VWA5A: variants seen among roughly 807,000 people sequenced by gnomAD.
VWA5A encodes von Willebrand factor A domain containing 5A, also known as von Willebrand factor A domain-containing protein 5A.
VWA5A carries 77 observed loss-of-function variants against 84.6 expected under a neutral mutation model. That is an observed-to-expected ratio of 0.91 (90% confidence interval 0.76 to 1.10). VWA5A has a LOEUF of 1.10. VWA5A is among the 50% of genes least tolerant of loss of function. The pLI, the probability that VWA5A is intolerant of heterozygous loss-of-function variation, is 0.00. For synonymous variants in VWA5A, 334 were observed against 350.1 expected, an observed-to-expected ratio of 0.95 and a Z score of 0.51; for missense variants, 973 against 963.0, an observed-to-expected ratio of 1.01 and a Z score of -0.14.
At position 124,123,372 on chromosome 11, in the gene VWA5A, C is replaced by G. The variant is rs1864963647; in HGVS notation, c.937C>G (p.Leu313Val). Residue 313 changes from leucine to valine, a missense_variant, in exon 9 of 19, where the codon CTG (leucine) becomes GTG (valine). Leu to Val is a conservative substitution (Grantham distance 32). Coordinates refer to ENST00000456829, the MANE Select transcript of VWA5A (RefSeq NM_001130142.2). ...CATACTCTCTTACCTTCAGGAAACA[C>G]TGATTTTGCTGCTGAAGAGTTTACC... ...QLRIQAAKET[L>V]ILLLKSLPIG... 1.9e-6 allele frequency: 3 copies of G among 1,613,418 alleles called. No homozygotes were observed. The highest frequency in any genetic ancestry group is 2.5e-6 in the Non-Finnish European group (3 of 1,179,884).
At chr11:124,144,508 C>A (rs1860781798) in intron 17 of VWA5A, among the ~76,000 whole-genome samples, 1 of 152,150 alleles carries the variant, frequency 6.6e-6, no homozygotes. Context: ...ATAAGCAGTC[C>A]TCTTAAGGAA....
At chr11:124,130,245 T>C (rs1410599363) in intron 11 of VWA5A, among the ~76,000 whole-genome samples, 1 of 152,206 alleles carries the variant, frequency 6.6e-6, no homozygotes, top group East Asian at 1.9e-4. Flanking sequence ...TACCCAGTGG[T>C]CATTCAGGAG....
chr11:124,137,912 G>T (rs1250491238), intron 15 of VWA5A, among the ~76,000 whole-genome samples: 1 of 152,210 alleles, frequency 6.6e-6, no homozygotes, highest in South Asian at 2.1e-4. Context: ...AGGCTGGAGT[G>T]CAGTGGCACA....
In VWA5A at chr11:124,123,149, T is replaced by C. The variant is rs751611552; in HGVS notation, c.930+20T>C. On this transcript the variant is annotated intron_variant, in intron 8 of 18. Transcript: ENST00000456829. ...GCCAAGGTAAAGCTAGTTTCTTTCC[T>C]CTTCTGGGTCACATGCTCAAGTGAG... is the stretch of plus-strand genomic sequence containing the variant. 2 of 1,603,372 alleles carry C rather than the reference T, an allele frequency of 1.2e-6. No homozygotes were observed. Among genetic ancestry groups the C allele is most frequent in the Non-Finnish European group, 1.7e-6 (2 of 1,176,470 alleles).
intron 15 of VWA5A, among the ~76,000 whole-genome samples, chr11:124,139,886 A>T (rs1860692740): frequency 6.6e-6 from 1 of 152,176 alleles, no homozygotes; most frequent in Non-Finnish European, 1.5e-5. Context: ...CTGATTTTAG[A>T]GGAAATGCTT....
At position 124,121,371 on chromosome 11, in the gene VWA5A, C is replaced by A. The variant is rs371378617; in HGVS notation, c.761-1589C>A. On this transcript the variant is annotated intron_variant, in intron 7 of 18. Transcript: ENST00000456829. ...AGTACATTATATTACTTAACTCTTACAATCAAGCTTGTTCAACTCATGGTC... is the reference window on the plus strand; with the variant it reads ...AGTACATTATATTACTTAACTCTTAAAATCAAGCTTGTTCAACTCATGGTC... Among the ~76,000 whole-genome samples, 21 of 152,270 alleles carry A rather than the reference C, an allele frequency of 1.4e-4. No individual in the cohort carries two copies. In the East Asian group the frequency reaches 3.7e-3, roughly 27 times the overall value.
At chr11:124,117,294 A>G (rs1864846489) in intron 2 of VWA5A, 2 of 608,820 alleles carry the variant, frequency 3.3e-6, no homozygotes, top group Non-Finnish European at 5.8e-6. Flanking sequence ...AGTGAATCTT[A>G]CACCTTCCCC....
At chr11:124,124,687 GTAA>G in intron 11 of VWA5A, 1 of 471,788 alleles carries the variant, frequency 2.1e-6, no homozygotes, top group Non-Finnish European at 2.8e-6. Context: ...CGCCACATAG[GTAA>G]AAACTGGAAT....
chr11:124,141,644 G>T lies in VWA5A; in HGVS notation c.1926G>T (p.Gln642His). The change falls in exon 16 of 19, where the codon CAG (glutamine) becomes CAT (histidine). Residue 642 changes from glutamine (Q) to histidine (H), a missense_variant. By Grantham distance (24) the Gln-to-His change is conservative (BLOSUM62 0). Transcript: ENST00000456829. ...LHSDRPPSAS[Q>H]PRGELMCYKA... ...CTGACCGTCCTCCTTCTGCATCTCA[G>T]CCCAGAGGGGAACTTATGTGTTATA... 6.2e-7 allele frequency: 1 copy of T among 1,614,144 alleles called. No individual in the cohort carries two copies. The highest frequency in any genetic ancestry group is 8.5e-7 in the Non-Finnish European group (1 of 1,180,036).
chr11:124,145,515 GAAATATT>G (rs113132812), intron 18 of VWA5A, 152 bp downstream of exon 18: 37,096 of 1,237,624 alleles, frequency 0.03, 989 homozygotes, highest in African/African-American at 0.11. Context: ...GGACAAGGGT[GAAATATT>G]AAATTGGGGA....
Position 124,136,065 on chromosome 11 carries a change from C to T in VWA5A, c.1360-64C>T, listed in dbSNP as rs1591363861. The T allele has an allele frequency of 8.4e-6, 13 of 1,546,352 alleles. No homozygotes were observed. The East Asian group carries it at 2.7e-4, about 32-fold the overall frequency. On this transcript the variant is annotated intron_variant, in intron 12 of 18. Transcript: ENST00000456829. ...TCACATCTGATACATAATAAATGTC[C>T]AGTTAATTGTAGCTGCCATTGTCTG...
chr11:124,124,131 G>A (rs1864980122), intron 10 of VWA5A, 106 bp from the exon 11 acceptor site: 2 of 1,075,766 alleles, frequency 1.9e-6, no homozygotes, highest in East Asian at 2.6e-5. Context: ...CTTTGAAGAG[G>A]CACCAGAGCC....
chr11:124,140,142 G>C (rs1432208340), intron 15 of VWA5A, among the ~76,000 whole-genome samples: 1 of 152,162 alleles, frequency 6.6e-6, no homozygotes, highest in Non-Finnish European at 1.5e-5. Flanking sequence ...AATCACATTT[G>C]ATAATGATGC....
At chr11:124,130,255 G>A (rs1455923560) in intron 11 of VWA5A, among the ~76,000 whole-genome samples, 3 of 152,178 alleles carry the variant, frequency 2.0e-5, no homozygotes, top group Admixed American at 2.0e-4. Context: ...TCATTCAGGA[G>A]CAGTTGTTCA....
chr11:124,133,475 A>G (rs1341234504), intron 11 of VWA5A, among the ~76,000 whole-genome samples: 1 of 152,208 alleles, frequency 6.6e-6, no homozygotes, highest in Non-Finnish European at 1.5e-5. Flanking sequence ...CTTGGCCTAT[A>G]GATTTTTATC....
Position 124,137,034 on chromosome 11 carries a change from G to C in VWA5A, c.1645G>C (p.Ala549Pro). Residue 549 changes from alanine (A) to proline (P), a missense_variant, in exon 15 of 19, where the codon GCT (alanine) becomes CCT (proline). Physicochemically the swap from Ala to Pro is conservative, Grantham distance 27. Coordinates refer to ENST00000456829, the MANE Select transcript of VWA5A (RefSeq NM_001130142.2). ...TTTCAGCCTCACCATTCACCGCCTT[G>C]CTGCCAAGTCCTTGCTCCAGACCAA... is the stretch of plus-strand genomic sequence containing the variant. ...PDVNLTIHRL[A>P]AKSLLQTKDM... is the part of the protein sequence containing the mutation. 6.2e-7 allele frequency: 1 copy of C among 1,606,622 alleles called. No individual in the cohort carries two copies. Among genetic ancestry groups the C allele is most frequent in the Non-Finnish European group, 8.5e-7 (1 of 1,177,646 alleles).
intron 17 of VWA5A, among the ~76,000 whole-genome samples, chr11:124,144,260 AGAG>A (rs1374272331): frequency 6.6e-6 from 1 of 152,206 alleles, no homozygotes; most frequent in Non-Finnish European, 1.5e-5. Context: ...CTCTACAGGT[AGAG>A]AAGAGAGCAT....
chr11:124,147,380 C>T lies in VWA5A; in HGVS notation c.*1435C>T, dbSNP rs929534090. The T allele has an allele frequency of 6.6e-6, 1 of 152,210 alleles. No individual in the cohort carries two copies. The highest frequency in any genetic ancestry group is 1.5e-5 in the Non-Finnish European group (1 of 68,040). 9.4% of individuals were successfully genotyped at this position (152,210 alleles called of 1,614,324 possible). A position where few individuals can be genotyped will look rare whatever the true frequency, so the allele number is the denominator to read the frequency against. ...AGAACTTTATTAACACTTTCGAGTT[C>T]CACTCAGAATTCCTAGAGGAACATC... On this transcript the variant is annotated 3_prime_UTR_variant, in exon 19 of 19. Coordinates refer to ENST00000456829, the MANE Select transcript of VWA5A (RefSeq NM_001130142.2).
At chr11:124,140,430 A>G (rs1386719743) in intron 15 of VWA5A, among the ~76,000 whole-genome samples, 1 of 152,196 alleles carries the variant, frequency 6.6e-6, no homozygotes, top group East Asian at 1.9e-4. Context: ...TAGAAAACTG[A>G]AAAAATCAGA....
Sources: gnomAD v4.1 joint callset for allele counts (sites outside exome capture counted in the v4.1 genomes callset) on GRCh38, gnomAD v4.1.1 for gene constraint, MANE v1.5 for transcripts, NCBI Gene and HGNC (gene_info 2026-07-23, HGNC 2026-07-21) for gene names.